SDK1: variants seen among roughly 807,000 people sequenced by gnomAD.
SDK1 encodes the protein sidekick cell adhesion molecule 1, also known as protein sidekick-1.
In SDK1, 157 loss-of-function variants were observed where a neutral mutation model predicts 245.5. The observed-to-expected ratio is 0.64, with a 90% CI of 0.56 to 0.73. The LOEUF (loss-of-function observed/expected upper bound fraction) is 0.73. Ranked by LOEUF, SDK1 falls within the 30% of genes least tolerant of loss-of-function variation. SDK1 has a pLI of 0.00. For synonymous variants in SDK1, 1,647 were observed against 1,278.5 expected (o/e 1.29, Z -6.15); for missense variants, 3,583 against 3,002.3 (o/e 1.19, Z -4.52).
intron 13 of SDK1, among the ~76,000 whole-genome samples, chr7:3,975,802 G>C (rs1350405676): frequency 6.6e-6 from 1 of 152,242 alleles, no homozygotes; most frequent in Non-Finnish European, 1.5e-5. Context: ...GATAGCAGAG[G>C]TAATTGTGGT....
chr7:3,653,256 C>T (rs1243868922), intron 4 of SDK1, among the ~76,000 whole-genome samples: 1 of 152,214 alleles, frequency 6.6e-6, no homozygotes, highest in Non-Finnish European at 1.5e-5. Flanking sequence ...GGTCACCCCT[C>T]CTTCCTCTGT....
chr7:3,612,479 C>T (rs757912544), intron 1 of SDK1, among the ~76,000 whole-genome samples: 41 of 152,108 alleles, frequency 2.7e-4, no homozygotes, highest in Non-Finnish European at 1.5e-4. Flanking sequence ...TAATGAACTG[C>T]CAGCAGCTGA....
intron 5 of SDK1, among the ~76,000 whole-genome samples, chr7:3,866,689 A>G (rs1307034909): frequency 1.3e-5 from 2 of 152,046 alleles, no homozygotes; most frequent in African/African-American, 4.8e-5. Context: ...AGAGAGACTG[A>G]GCATTGATTG....
intron 4 of SDK1, among the ~76,000 whole-genome samples, chr7:3,682,385 T>A (rs1156582753): frequency 1.3e-5 from 2 of 152,182 alleles, no homozygotes. Context: ...AAATTAACAT[T>A]TCCAGAGGGG....
At chr7:3,860,021 G>T (rs931582495) in intron 5 of SDK1, among the ~76,000 whole-genome samples, 1 of 151,658 alleles carries the variant, frequency 6.6e-6, no homozygotes, top group African/African-American at 2.4e-5. Flanking sequence ...CCAGGTTCAC[G>T]CCATTCTCCT....
In SDK1 at chr7:4,268,546, C is replaced by G. The variant is rs1018949310; in HGVS notation, c.*3162C>G. 2 of 1,288,420 alleles carry G rather than the reference C, an allele frequency of 1.6e-6. No individual in the cohort carries two copies. The highest frequency in any genetic ancestry group is 2.0e-6 in the Non-Finnish European group (2 of 980,512). 79.8% of individuals were successfully genotyped at this position (1,288,420 alleles called of 1,614,324 possible). On this transcript the variant is annotated 3_prime_UTR_variant, in exon 45 of 45. Transcript: ENST00000404826. ...CACACACGGAACGCGCCTCCACAGC[C>G]CCGGGAGGTGGCTCACTCTGTACAG... is the stretch of plus-strand genomic sequence containing the variant.
chr7:4,174,043 C>G (rs1782018013), intron 32 of SDK1, among the ~76,000 whole-genome samples, 179 bp from the exon 33 acceptor site: 1 of 152,338 alleles, frequency 6.6e-6, no homozygotes, highest in African/African-American at 2.4e-5. Context: ...ATCTCCACAG[C>G]TTGGTGCTGT....
chr7:4,258,164 G>A (rs567646968), intron 44 of SDK1, among the ~76,000 whole-genome samples: 12 of 152,318 alleles, frequency 7.9e-5, no homozygotes, highest in African/African-American at 2.9e-4. Flanking sequence ...AGCCGTGAAG[G>A]AAATGGTATA....
Position 3,735,110 on chromosome 7 carries a change from T to C in SDK1, c.714-86340T>C, listed in dbSNP as rs112401958. Among the ~76,000 whole-genome samples, 573 of 152,234 alleles carry C rather than the reference T, an allele frequency of 3.8e-3. 8 individuals are homozygous for C. The highest frequency in any genetic ancestry group is 0.013 in the African/African-American group (535 of 41,538). On this transcript the variant is annotated intron_variant, in intron 4 of 44. Transcript: ENST00000404826. ...TCATAGGGCAGGAGTCCAGCTCCATTAATTGCTTTTACTACATAGCAGCTT... is the reference window on the plus strand; with the variant it reads ...TCATAGGGCAGGAGTCCAGCTCCATCAATTGCTTTTACTACATAGCAGCTT...
intron 1 of SDK1, among the ~76,000 whole-genome samples, chr7:3,339,854 G>A (rs1048566881): frequency 1.3e-5 from 2 of 151,888 alleles, no homozygotes; most frequent in East Asian, 1.9e-4. Flanking sequence ...CAAGCAGAAC[G>A]AAGAGCAGAA....
chr7:4,216,024 ACT>A (rs1199973189), intron 38 of SDK1, among the ~76,000 whole-genome samples: 2 of 151,886 alleles, frequency 1.3e-5, no homozygotes, highest in African/African-American at 4.8e-5. Context: ...CTCCCAGCTG[ACT>A]CTGCAGATAC....
intron 32 of SDK1, among the ~76,000 whole-genome samples, chr7:4,172,732 C>T (rs970411383): frequency 1.3e-5 from 2 of 152,276 alleles, no homozygotes; most frequent in Admixed American, 1.3e-4. Context: ...AGGGAGGATC[C>T]TTCCTGCCTC....
At chr7:3,993,224 G>A (rs554741232) in intron 14 of SDK1, among the ~76,000 whole-genome samples, 2 of 152,320 alleles carry the variant, frequency 1.3e-5, no homozygotes, top group African/African-American at 4.8e-5. Flanking sequence ...TGATATTTGG[G>A]AGAGGCCATC....
intron 4 of SDK1, among the ~76,000 whole-genome samples, chr7:3,681,941 C>T (rs1479037452): frequency 6.6e-6 from 1 of 152,030 alleles, no homozygotes; most frequent in East Asian, 1.9e-4. Flanking sequence ...CTGTATGTAG[C>T]CCAGTATCAC....
intron 1 of SDK1, among the ~76,000 whole-genome samples, chr7:3,388,650 T>G (rs981023653): frequency 9.2e-5 from 14 of 152,214 alleles, no homozygotes; most frequent in African/African-American, 3.4e-4. Context: ...ATAAGCTGTT[T>G]CGTGCATTAG....
At chr7:4,037,959 A>G (rs1224980607) in intron 17 of SDK1, among the ~76,000 whole-genome samples, 1 of 152,208 alleles carries the variant, frequency 6.6e-6, no homozygotes, top group African/African-American at 2.4e-5. Context: ...TTTCATCCCC[A>G]GCAGTTTGTC....
intron 1 of SDK1, among the ~76,000 whole-genome samples, chr7:3,419,781 C>T (rs1377637101): frequency 1.3e-5 from 2 of 152,096 alleles, no homozygotes; most frequent in African/African-American, 2.4e-5. Context: ...AAGAAATGCC[C>T]TATGCTATTA....
At chr7:4,164,817 C>T (rs1367125409) in intron 32 of SDK1, among the ~76,000 whole-genome samples, 1 of 152,142 alleles carries the variant, frequency 6.6e-6, no homozygotes, top group African/African-American at 2.4e-5. Context: ...GTGCATCAGC[C>T]GTCCCCCTCC....
chr7:3,319,591 TTA>T (rs1377255597), intron 1 of SDK1, among the ~76,000 whole-genome samples: 13 of 152,258 alleles, frequency 8.5e-5, no homozygotes, highest in Non-Finnish European at 1.6e-4. Flanking sequence ...TTTGATAATC[TTA>T]TGTTTTTGTC....
Sources: gnomAD v4.1 joint callset for allele counts (sites outside exome capture counted in the v4.1 genomes callset) on GRCh38, gnomAD v4.1.1 for gene constraint, MANE v1.5 for transcripts, NCBI Gene and HGNC (gene_info 2026-07-23, HGNC 2026-07-21) for gene names.